Variants in MSH3 observed in about 807,000 individuals in gnomAD.
The protein encoded by MSH3 is DNA mismatch repair protein Msh3.
A neutral mutation model predicts 123.3 loss-of-function variants in MSH3; 106 were observed. That is an observed-to-expected ratio of 0.86 (90% CI 0.73 to 1.01). The LOEUF (loss-of-function observed/expected upper bound fraction) is 1.01, where lower values mean the gene tolerates loss of function less well. Ranked by LOEUF, MSH3 falls within the 50% of genes least tolerant of loss-of-function variation. The pLI, the probability that MSH3 is intolerant of heterozygous loss-of-function variation, is 0.00. For missense variants in MSH3, 1,459 were observed against 1,347.6 expected (o/e 1.08, Z -1.29); for synonymous variants, 515 against 481.4 (o/e 1.07, Z -0.91).
At chr5:80,840,350 T>A (rs1222655335) in intron 20 of MSH3, among the ~76,000 whole-genome samples, 2 of 152,170 alleles carry the variant, frequency 1.3e-5, no homozygotes, top group African/African-American at 4.8e-5. Flanking sequence ...AACTCTTCAT[T>A]TCTATCCAGC....
At chr5:80,670,364 T>C in intron 4 of MSH3, 55 bp downstream of exon 4, 1 of 1,537,820 alleles carries the variant, frequency 6.5e-7, no homozygotes, top group South Asian at 1.1e-5. Flanking sequence ...CCTTAGATAT[T>C]TTTCAGTATT....
At chr5:80,849,951 A>T (rs1745801266) in intron 20 of MSH3, among the ~76,000 whole-genome samples, 1 of 152,044 alleles carries the variant, frequency 6.6e-6, no homozygotes, top group Admixed American at 6.6e-5. Context: ...CTCTGTTTCC[A>T]TTATAAAACT....
chr5:80,855,869 T>A (rs957079117), intron 21 of MSH3: 3 of 126,942 alleles, frequency 2.4e-5, no homozygotes, highest in Non-Finnish European at 4.7e-5. Context: ...TTCCTCCTCC[T>A]CCTCTTTTTT....
At chr5:80,795,294 A>G (rs1744677442) in intron 19 of MSH3, among the ~76,000 whole-genome samples, 1 of 152,172 alleles carries the variant, frequency 6.6e-6, no homozygotes, top group African/African-American at 2.4e-5. Flanking sequence ...GTAGTATATA[A>G]TGCATGTCTT....
chr5:80,723,992 G>T (rs1751141767), intron 8 of MSH3, among the ~76,000 whole-genome samples: 1 of 152,134 alleles, frequency 6.6e-6, no homozygotes, highest in Admixed American at 6.5e-5. Context: ...CTGAGCTCAG[G>T]CAGTCCTCCT....
chr5:80,834,442 G>A (rs1745473926), intron 20 of MSH3, among the ~76,000 whole-genome samples: 2 of 150,008 alleles, frequency 1.3e-5, no homozygotes, highest in Admixed American at 6.6e-5. Flanking sequence ...ACTGAACTGT[G>A]TACCTAAGAA....
chr5:80,776,045 A>G (rs1744293484), intron 16 of MSH3, among the ~76,000 whole-genome samples: 1 of 151,582 alleles, frequency 6.6e-6, no homozygotes, highest in Non-Finnish European at 1.5e-5. Flanking sequence ...GTACACTACA[A>G]CCCCCGGCTA....
At chr5:80,854,997 C>T (rs1745891854) in intron 21 of MSH3, among the ~76,000 whole-genome samples, 1 of 152,062 alleles carries the variant, frequency 6.6e-6, no homozygotes, top group African/African-American at 2.4e-5. Context: ...GATCTTTGAT[C>T]TCATCTCTTT....
At chr5:80,733,042 T>A (rs1447516761) in intron 10 of MSH3, among the ~76,000 whole-genome samples, 1 of 152,134 alleles carries the variant, frequency 6.6e-6, no homozygotes, top group Admixed American at 6.5e-5. Context: ...TTCATAGGAT[T>A]CATATCTCTG....
intron 22 of MSH3, among the ~76,000 whole-genome samples, chr5:80,865,420 T>A (rs925390950): frequency 1.4e-4 from 21 of 152,180 alleles, no homozygotes; most frequent in Admixed American, 1.2e-3. Context: ...CTCAGACAGG[T>A]AAAGTGGTTT....
At chr5:80,848,426 T>C (rs1745762829) in intron 20 of MSH3, among the ~76,000 whole-genome samples, 1 of 152,228 alleles carries the variant, frequency 6.6e-6, no homozygotes, top group Non-Finnish European at 1.5e-5. Context: ...ATCGAGATTT[T>C]GCTTGTTTTA....
At chr5:80,657,075 C>T (rs1378319732) in intron 2 of MSH3, among the ~76,000 whole-genome samples, 1 of 149,478 alleles carries the variant, frequency 6.7e-6, no homozygotes, top group Non-Finnish European at 1.5e-5. Flanking sequence ...GTATCAGGAC[C>T]TGCAGATCTA....
At chr5:80,853,210 G>A (rs1000343915) in intron 20 of MSH3, among the ~76,000 whole-genome samples, 1 of 152,166 alleles carries the variant, frequency 6.6e-6, no homozygotes, top group Non-Finnish European at 1.5e-5. Flanking sequence ...GGTGGCTCAT[G>A]CCTGTAATCC....
chr5:80,759,098 C>T (rs186433488), intron 12 of MSH3, among the ~76,000 whole-genome samples: 8 of 152,278 alleles, frequency 5.3e-5, no homozygotes, highest in African/African-American at 1.9e-4. Flanking sequence ...TATATGTAGT[C>T]TTCAGAATGA....
intron 8 of MSH3, among the ~76,000 whole-genome samples, chr5:80,703,657 A>C (rs373300650): frequency 6.6e-6 from 1 of 152,046 alleles, no homozygotes; most frequent in African/African-American, 2.4e-5. Flanking sequence ...TCCATCTTGC[A>C]TATTTCCTAA....
chr5:80,786,590 G>T (rs142053523), intron 17 of MSH3, among the ~76,000 whole-genome samples: 1 of 152,188 alleles, frequency 6.6e-6, no homozygotes, highest in African/African-American at 2.4e-5. Flanking sequence ...TTACTATAAA[G>T]ATTTAAGCTC....
In MSH3 at chr5:80,668,650, G is replaced by A. The variant is rs574759657; in HGVS notation, c.580-1447G>A. Among the ~76,000 whole-genome samples the A allele has an allele frequency of 5.1e-4, 77 of 152,312 alleles. No homozygotes were observed. The South Asian group carries it at 5.6e-3, about 11-fold the overall frequency. Reference sequence around the variant, plus strand: ...GGGAGCTGGGAGAGGCCAGGCAGTCGGAGCAGGTACTTCTGAGCCTGCAGA... The same window carrying A: ...GGGAGCTGGGAGAGGCCAGGCAGTCAGAGCAGGTACTTCTGAGCCTGCAGA... On this transcript the variant is annotated intron_variant, in intron 3 of 23. Transcript: ENST00000265081.
chr5:80,733,712 C>A (rs528401487), intron 10 of MSH3, among the ~76,000 whole-genome samples: 2 of 151,846 alleles, frequency 1.3e-5, no homozygotes, highest in Non-Finnish European at 2.9e-5. Context: ...CCAAGAAGCA[C>A]GTGAAAATAT....
intron 19 of MSH3, among the ~76,000 whole-genome samples, chr5:80,806,290 G>A (rs372745857): frequency 6.6e-6 from 1 of 151,966 alleles, no homozygotes; most frequent in South Asian, 2.1e-4. Context: ...TAGAGACGGG[G>A]TTTCTCCATG....
Sources: allele counts gnomAD v4.1 joint callset (sites outside exome capture counted in the v4.1 genomes callset), GRCh38; gene constraint gnomAD v4.1.1; transcripts MANE v1.5; gene names NCBI Gene and HGNC (gene_info 2026-07-23, HGNC 2026-07-21).